PDE11A: variants seen among roughly 807,000 people sequenced by gnomAD.
The protein encoded by PDE11A is dual 3',5'-cyclic-AMP and -GMP phosphodiesterase 11A.
In PDE11A, 100 loss-of-function variants were observed where a neutral mutation model predicts 100.5. That is an observed-to-expected ratio of 1.00 (90% CI 0.85 to 1.18). The LOEUF (loss-of-function observed/expected upper bound fraction) is 1.18. Ranked by LOEUF, PDE11A falls within the 50% of genes most tolerant of loss-of-function variation. The pLI is 0.00. For missense variants in PDE11A, 1,141 were observed against 1,152.6 expected (o/e 0.99, Z 0.15); for synonymous variants, 381 against 420.8 (o/e 0.91, Z 1.16).
At chr2:178,023,989 A>G (rs2086445691) in intron 1 of PDE11A, among the ~76,000 whole-genome samples, 1 of 152,200 alleles carries the variant, frequency 6.6e-6, no homozygotes, top group South Asian at 2.1e-4. Context: ...GACCTTTAGG[A>G]AAGTACTGAT....
At chr2:177,738,916 C>T (rs766512252) in intron 10 of PDE11A, among the ~76,000 whole-genome samples, 1 of 152,182 alleles carries the variant, frequency 6.6e-6, no homozygotes, top group Non-Finnish European at 1.5e-5. Context: ...ATAATAGAGA[C>T]CACATGAGTT....
At chr2:177,803,653 C>A (rs1048120136) in intron 9 of PDE11A, among the ~76,000 whole-genome samples, 2 of 151,992 alleles carry the variant, frequency 1.3e-5, no homozygotes, top group Admixed American at 1.3e-4. Flanking sequence ...TCAACATATG[C>A]AAATCAACAA....
Position 177,845,144 on chromosome 2 carries a change from C to T in PDE11A, c.1368-4761G>A, listed in dbSNP as rs1481827962. Among the ~76,000 whole-genome samples the T allele has an allele frequency of 8.7e-4, 132 of 151,048 alleles. 1 individual carries two copies. Among genetic ancestry groups the T allele is most frequent in the South Asian group, 8.2e-3 (39 of 4,740 alleles). On this transcript the variant is annotated intron_variant, in intron 5 of 19. Transcript: ENST00000286063. ...GCAGAGGCGCTCCTCACCTCCCGGA[C>T]GGGGCGGCTGGCCGGGCGGGGGGCT...
intron 16 of PDE11A, among the ~76,000 whole-genome samples, chr2:177,680,327 G>C (rs2080844198): frequency 6.6e-6 from 1 of 152,124 alleles, no homozygotes; most frequent in Non-Finnish European, 1.5e-5. Flanking sequence ...AAACAGAGTG[G>C]GTTGCTACTG....
intron 5 of PDE11A, among the ~76,000 whole-genome samples, chr2:177,855,732 T>TG (rs200119111): frequency 6.6e-6 from 1 of 151,958 alleles, no homozygotes; most frequent in African/African-American, 2.4e-5. Context: ...GGGATATTTG[T>TG]GGGGAAAAGT....
rs148715964 is a variant in PDE11A, at chr2:177,840,285, C to G, written c.1466G>C (p.Ser489Thr). Residue 489 changes from serine (S) to threonine (T), a missense_variant, in exon 6 of 20, where the codon AGT (serine) becomes ACT (threonine). Transcript: ENST00000286063. ...AAAGCGCGGATCCTGGTAGGCATCA[C>G]TGATGTTCACTGGAAGGCCTGTTGA... Reference protein sequence around the residue: ...VASTGLPVNISDAYQDPRFDA... With the variant: ...VASTGLPVNITDAYQDPRFDA... 1.8e-5 allele frequency: 29 copies of G among 1,614,032 alleles called. No individual in the cohort carries two copies. The African/African-American group carries it at 3.7e-4, about 21-fold the overall frequency.
intron 5 of PDE11A, among the ~76,000 whole-genome samples, chr2:177,870,938 C>T (rs1482192649): frequency 6.6e-6 from 1 of 152,130 alleles, no homozygotes; most frequent in African/African-American, 2.4e-5. Context: ...GAAATAGAAC[C>T]TCTTTTAGTT....
intron 2 of PDE11A, among the ~76,000 whole-genome samples, chr2:178,079,018 T>C (rs916890742): frequency 1.3e-5 from 2 of 152,224 alleles, no homozygotes; most frequent in African/African-American, 4.8e-5. Flanking sequence ...GAAGTATCCT[T>C]AAATGCAATA....
At chr2:177,788,848 G>A (rs1029351609) in intron 9 of PDE11A, among the ~76,000 whole-genome samples, 3 of 152,104 alleles carry the variant, frequency 2.0e-5, no homozygotes, top group Non-Finnish European at 4.4e-5. Flanking sequence ...GGAAGAAGTT[G>A]AATCTCTGAA....
intron 19 of PDE11A, among the ~76,000 whole-genome samples, chr2:177,653,921 C>T (rs1041268526): frequency 1.3e-5 from 2 of 152,208 alleles, no homozygotes; most frequent in East Asian, 3.8e-4. Context: ...AAAGGCAGAT[C>T]GGCTGGCTCC....
intron 1 of PDE11A, among the ~76,000 whole-genome samples, chr2:178,037,136 T>A (rs1463819201): frequency 6.6e-6 from 1 of 152,200 alleles, no homozygotes; most frequent in Non-Finnish European, 1.5e-5. Context: ...GACAAAGGTC[T>A]AATATCCAGA....
chr2:177,687,578 A>G (rs2080972126), intron 15 of PDE11A: 1 of 152,186 alleles, frequency 6.6e-6, no homozygotes. Flanking sequence ...ATTTCCTGGA[A>G]GATGAAAATT....
At chr2:178,021,221 C>G (rs2086407797) in intron 1 of PDE11A, among the ~76,000 whole-genome samples, 1 of 152,030 alleles carries the variant, frequency 6.6e-6, no homozygotes, top group African/African-American at 2.4e-5. Flanking sequence ...CTCGGCCTCC[C>G]AAAGTGCTGG....
chr2:177,984,429 A>C (rs2085917953), intron 2 of PDE11A, among the ~76,000 whole-genome samples: 1 of 152,234 alleles, frequency 6.6e-6, no homozygotes, highest in South Asian at 2.1e-4. Context: ...CCAGAAAGAA[A>C]GAAAACATAG....
At chr2:177,769,695 T>C (rs2082285266) in intron 9 of PDE11A, among the ~76,000 whole-genome samples, 1 of 152,034 alleles carries the variant, frequency 6.6e-6, no homozygotes, top group African/African-American at 2.4e-5. Context: ...GAGACCAGCC[T>C]GGGCAACATG....
chr2:177,653,493 A>G (rs1370858141), intron 19 of PDE11A, among the ~76,000 whole-genome samples: 3 of 152,132 alleles, frequency 2.0e-5, no homozygotes, highest in African/African-American at 7.2e-5. Context: ...TAACCCCGGT[A>G]CCTGTGAATG....
At chr2:177,767,927 A>G (rs1202385758) in intron 10 of PDE11A, among the ~76,000 whole-genome samples, 1 of 152,166 alleles carries the variant, frequency 6.6e-6, no homozygotes, top group Non-Finnish European at 1.5e-5. Flanking sequence ...TTCCTCTGCA[A>G]CAAATGGGCC....
chr2:178,094,108 A>G (rs2087458241), intron 2 of PDE11A, among the ~76,000 whole-genome samples: 1 of 152,240 alleles, frequency 6.6e-6, no homozygotes, highest in Non-Finnish European at 1.5e-5. Context: ...TCATCAGAAG[A>G]TGGGTAATAA....
intron 14 of PDE11A, 32 bp from the exon 15 acceptor site, chr2:177,697,464 C>G: frequency 9.8e-7 from 1 of 1,020,056 alleles, no homozygotes; most frequent in Non-Finnish European, 1.6e-6. Flanking sequence ...TCACAAAAGA[C>G]ATTAAATCTG....
Sources: gnomAD v4.1 joint callset for allele counts (sites outside exome capture counted in the v4.1 genomes callset) on GRCh38, gnomAD v4.1.1 for gene constraint, MANE v1.5 for transcripts, NCBI Gene and HGNC (gene_info 2026-07-23, HGNC 2026-07-21) for gene names.